CEP170: variants seen among roughly 807,000 people sequenced by gnomAD.
CEP170 encodes centrosomal protein of 170 kDa.
In CEP170, 21 loss-of-function variants were observed where a neutral mutation model predicts 151.9. The ratio of observed to expected loss-of-function variants is 0.14; its 90% CI spans 0.10 to 0.20. The LOEUF (loss-of-function observed/expected upper bound fraction) is 0.20, where lower values mean the gene tolerates loss of function less well. Among genes scored for constraint, CEP170 ranks in the 10% least tolerant of loss-of-function variants. CEP170 has a pLI of 1.00. For synonymous variants in CEP170, 356 were observed against 648.8 expected (o/e 0.55, Z 6.86); for missense variants, 964 against 1,892.9 (o/e 0.51, Z 9.11).
chr1:243,140,150 G>T, intron 15 of CEP170, 43 bp from the exon 16 acceptor site: 2 of 1,583,536 alleles, frequency 1.3e-6, no homozygotes, highest in South Asian at 1.1e-5. Context: ...ACAGTAATTT[G>T]AAAAAGTACC....
intron 17 of CEP170, among the ~76,000 whole-genome samples, chr1:243,132,835 C>T (rs571613530): frequency 3.0e-4 from 45 of 152,232 alleles, no homozygotes; most frequent in African/African-American, 7.7e-4. Flanking sequence ...TTAGCAGGGA[C>T]GGACCTGTAT....
At chr1:243,160,180 TTGAA>T (rs1180346948) in intron 13 of CEP170, among the ~76,000 whole-genome samples, 1 of 152,238 alleles carries the variant, frequency 6.6e-6, no homozygotes, top group African/African-American at 2.4e-5. Flanking sequence ...TTTCTTTCTC[TTGAA>T]TTTTATTCAG....
At position 243,185,572 on chromosome 1, in the gene CEP170, A is replaced by G. The variant is rs2059890738; in HGVS notation, c.1566+207T>C. 6.6e-6 allele frequency among the ~76,000 whole-genome samples: 1 copy of G among 152,226 alleles called. No homozygotes were observed. Among genetic ancestry groups the G allele is most frequent in the Admixed American group, 6.5e-5 (1 of 15,284 alleles). On this transcript the variant is annotated intron_variant, in intron 10 of 19. Transcript: ENST00000366542. The surrounding 1 kb of genome is among the most constrained non-coding windows in gnomAD (Gnocchi z 4.9). ...CTTTTAAATGTACAGAGCTTTATGT[A>G]TGAAACTCAGGTAAATTCAGAATAT... is the stretch of plus-strand genomic sequence containing the variant.
At chr1:243,161,156 A>G (rs2058032239) in intron 13 of CEP170, among the ~76,000 whole-genome samples, 1 of 151,590 alleles carries the variant, frequency 6.6e-6, no homozygotes, top group South Asian at 2.1e-4. Context: ...TACAAAAATT[A>G]GGCGGGCATG....
intron 16 of CEP170, 151 bp from the exon 17 acceptor site, chr1:243,136,382 T>C: frequency 5.6e-6 from 6 of 1,075,576 alleles, no homozygotes; most frequent in Non-Finnish European, 7.8e-6. Flanking sequence ...AATTAATATG[T>C]AACTAAAATG....
chr1:243,208,503 A>G (rs1360870229), intron 4 of CEP170, among the ~76,000 whole-genome samples: 4 of 151,924 alleles, frequency 2.6e-5, no homozygotes, highest in Admixed American at 6.6e-5. Context: ...CTCCAACCAC[A>G]CTGGCTTTTA....
At chr1:243,174,150 C>T (rs1237582084) in intron 10 of CEP170, among the ~76,000 whole-genome samples, 2 of 151,956 alleles carry the variant, frequency 1.3e-5, no homozygotes, top group African/African-American at 4.8e-5. Flanking sequence ...CAATGGCGTG[C>T]TTTTCTTTTA....
chr1:243,249,678 A>G (rs181334162), intron 1 of CEP170, among the ~76,000 whole-genome samples: 1 of 152,328 alleles, frequency 6.6e-6, no homozygotes, highest in East Asian at 1.9e-4. Context: ...CATAGCATCT[A>G]TCCTTACTTG....
At chr1:243,202,781 A>G (rs2061141862) in intron 4 of CEP170, among the ~76,000 whole-genome samples, 1 of 152,138 alleles carries the variant, frequency 6.6e-6, no homozygotes, top group Non-Finnish European at 1.5e-5. Context: ...GAGAAAATTC[A>G]TAGCATTCCT....
At chr1:243,234,367 T>C (rs996920398) in intron 1 of CEP170, among the ~76,000 whole-genome samples, 2 of 152,346 alleles carry the variant, frequency 1.3e-5, no homozygotes, top group East Asian at 3.8e-4. Flanking sequence ...TCCATGGGGT[T>C]GGCCCAGGAC....
Position 243,144,881 on chromosome 1 carries a change from C to G in CEP170, c.3912-2418G>C, listed in dbSNP as rs115157644. 2.9e-3 allele frequency among the ~76,000 whole-genome samples: 439 copies of G among 152,184 alleles called. 2 individuals carry two copies. The highest frequency in any genetic ancestry group is 9.7e-3 in the African/African-American group (403 of 41,528). Reference sequence around the variant, plus strand: ...AGGGTTCAGTTCTCTAGCATTAGTCCTAGTCTTTATGTTTTCCCAAGTGTC... The same window carrying G: ...AGGGTTCAGTTCTCTAGCATTAGTCGTAGTCTTTATGTTTTCCCAAGTGTC... On this transcript the variant is annotated intron_variant, in intron 14 of 19. Transcript: ENST00000366542.
intron 14 of CEP170, among the ~76,000 whole-genome samples, chr1:243,146,386 G>GGTA (rs557624924): frequency 7.0e-4 from 106 of 152,188 alleles, no homozygotes; most frequent in African/African-American, 2.5e-3. Flanking sequence ...TCCTTCTAAT[G>GGTA]GTATAAAAGC....
intron 10 of CEP170, 45 bp from the exon 11 acceptor site, chr1:243,172,891 C>T (rs2148624237): frequency 6.7e-7 from 1 of 1,497,546 alleles, no homozygotes; most frequent in Non-Finnish European, 8.9e-7. Flanking sequence ...AAAGTCTGAA[C>T]ACAAGATTAA....
At chr1:243,210,185 T>G (rs1347001510) in intron 4 of CEP170, among the ~76,000 whole-genome samples, 1 of 152,184 alleles carries the variant, frequency 6.6e-6, no homozygotes, top group Non-Finnish European at 1.5e-5. Context: ...AAGAAAATAG[T>G]ATACTATTGT....
At chr1:243,163,570 A>G (rs1439559188) in intron 13 of CEP170, among the ~76,000 whole-genome samples, 2 of 152,256 alleles carry the variant, frequency 1.3e-5, no homozygotes, top group Non-Finnish European at 2.9e-5. Context: ...TAATTACTAG[A>G]GTTAAATGAT....
chr1:243,253,575 A>G (rs2066155857), intron 1 of CEP170, among the ~76,000 whole-genome samples: 1 of 152,218 alleles, frequency 6.6e-6, no homozygotes, highest in African/African-American at 2.4e-5. Flanking sequence ...TAATAACAGA[A>G]AAATACATAA....
chr1:243,140,163 T>A, intron 15 of CEP170, 56 bp from the exon 16 acceptor site: 1 of 1,570,736 alleles, frequency 6.4e-7, no homozygotes, highest in Non-Finnish European at 8.7e-7. Flanking sequence ...AAAGTACCAA[T>A]ATTGGCATTA....
chr1:243,210,601 T>C (rs1430232219), intron 4 of CEP170, among the ~76,000 whole-genome samples: 1 of 143,540 alleles, frequency 7.0e-6, no homozygotes, highest in African/African-American at 2.5e-5. Flanking sequence ...TAATATTATT[T>C]TTCGTAATTT....
Position 243,126,115 on chromosome 1 carries a change from G to A in CEP170, c.*334C>T. The A allele has an allele frequency of 2.2e-6, 1 of 464,356 alleles. No homozygotes were observed. The highest frequency in any genetic ancestry group is 4.3e-6 in the Non-Finnish European group (1 of 232,374). The allele number at this position is 464,356 out of a possible 1,614,324, so 28.8% of individuals were successfully genotyped here. A position where few individuals can be genotyped will look rare whatever the true frequency, so the allele number is the denominator to read the frequency against. On this transcript the variant is annotated 3_prime_UTR_variant, in exon 20 of 20. Transcript: ENST00000366542. The stretch of plus-strand genomic sequence containing the variant: ...TTCAGAAATGTTGGCTATTTAGTTT[G>A]CTTGTAGGTCACAGCATGGCTTAAA...
Sources: gnomAD v4.1 joint callset for allele counts (sites outside exome capture counted in the v4.1 genomes callset) on GRCh38, gnomAD v4.1.1 for gene constraint, Gnocchi (gnomAD v3.1) non-coding constraint, MANE v1.5 for transcripts, NCBI Gene and HGNC (gene_info 2026-07-23, HGNC 2026-07-21) for gene names.